The following ADGRA2 variants were observed in gnomAD, a reference collection of about 807,000 sequenced individuals.
The protein encoded by ADGRA2 is adhesion G protein-coupled receptor A2.
A neutral mutation model predicts 98.7 loss-of-function variants in ADGRA2; 61 were observed. That is an observed-to-expected ratio of 0.62 (90% CI 0.50 to 0.76). ADGRA2 has a LOEUF of 0.76. Among genes scored for constraint, ADGRA2 ranks in the 30% least tolerant of loss-of-function variants. ADGRA2 has a pLI of 0.00. For synonymous variants in ADGRA2, 858 were observed against 831.5 expected, an observed-to-expected ratio of 1.03 and a Z score of -0.55; for missense variants, 1,712 against 1,860.0, an observed-to-expected ratio of 0.92 and a Z score of 1.46.
chr8:37,804,126 C>CACACACACACACACAT (rs1563337043), intron 1 of ADGRA2, among the ~76,000 whole-genome samples: 28 of 150,126 alleles, frequency 1.9e-4, no homozygotes, highest in Admixed American at 8.0e-4. Context: ...CACACACACA[C>CACACACACACACACAT]ACACACACAC....
chr8:37,833,559 A>G, intron 9 of ADGRA2, 129 bp from the exon 10 acceptor site: 1 of 928,456 alleles, frequency 1.1e-6, no homozygotes, highest in Non-Finnish European at 1.7e-6. Context: ...TAGCTTGATG[A>G]GACCCAGAAG....
At position 37,831,483 on chromosome 8, in the gene ADGRA2, C is replaced by A. The variant is rs140801702; in HGVS notation, c.993C>A (p.Ser331=). 8.6e-5 allele frequency: 138 copies of A among 1,613,658 alleles called. No homozygotes were observed. Among genetic ancestry groups the A allele is most frequent in the Non-Finnish European group, 1.1e-4 (134 of 1,180,026 alleles). ...CAGGCGAGTGGGAGTGCACCGTGTC[C>A]ATGGCCCAAGGCAACGCCAGCAAGA... ...WASGEWECTV[S]MAQGNASKKV... is the part of the protein sequence containing the mutation. Residue 331 remains serine (S), a synonymous_variant, in exon 8 of 19, where the codon TCC becomes TCA. Transcript: ENST00000412232.
At position 37,819,543 on chromosome 8, in the gene ADGRA2, A is replaced by G. The variant is rs971234341; in HGVS notation, c.338+4576A>G. Among the ~76,000 whole-genome samples the G allele has an allele frequency of 3.9e-5, 6 of 152,006 alleles. No individual in the cohort carries two copies. The East Asian group carries it at 9.7e-4, about 25-fold the overall frequency. ...GCCACCATGCCCAGCTAATTTTTGT[A>G]TTTTTAGTAGAGACGGTGTTTCATG... On this transcript the variant is annotated intron_variant, in intron 2 of 18. Transcript: ENST00000412232.
rs1457382265 is a variant in ADGRA2 at position 37,829,309 on chromosome 8, G to A, written c.459G>A (p.Gln153=). The A allele has an allele frequency of 1.2e-6, 2 of 1,613,554 alleles. No homozygotes were observed. Among genetic ancestry groups the A allele is most frequent in the Middle Eastern group, 1.7e-4 (1 of 6,060 alleles). ...GCTGTCTCACCTCCGAGACCTTCCA[G>A]GGCCTCCCCAGGCTTCTCCGACTGT... is the stretch of plus-strand genomic sequence containing the variant. The part of the protein sequence containing the change: ...RIGCLTSETF[Q]GLPRLLRLNI... Residue 153 remains glutamine, a synonymous_variant, in exon 4 of 19, where the codon CAG becomes CAA. Coordinates refer to ENST00000412232, the MANE Select transcript of ADGRA2 (RefSeq NM_032777.10).
At chr8:37,825,395 C>T (rs997055177) in intron 2 of ADGRA2, among the ~76,000 whole-genome samples, 1 of 152,056 alleles carries the variant, frequency 6.6e-6, no homozygotes, top group African/African-American at 2.4e-5. Flanking sequence ...AGGCGCCCAC[C>T]CCCACATTGG....
Position 37,814,475 on chromosome 8 carries a change from C to A in ADGRA2, c.267-421C>A, listed in dbSNP as rs1423192793. Among the ~76,000 whole-genome samples the A allele has an allele frequency of 6.6e-6, 1 of 152,206 alleles. No individual in the cohort carries two copies. The highest frequency in any genetic ancestry group is 2.4e-5 in the African/African-American group (1 of 41,460). On this transcript the variant is annotated intron_variant, in intron 1 of 18. Coordinates refer to ENST00000412232, the MANE Select transcript of ADGRA2 (RefSeq NM_032777.10). This position sits in a 1 kb window ranked among gnomAD's most constrained non-coding sequence, Gnocchi z 4.3. ...CTCCAGACCTTCTGGGCATCCTGGC[C>A]CCGTTCAAGCCATTCTCCCCACCAC...
Position 37,797,145 on chromosome 8 carries a change from G to C in ADGRA2, c.-124G>C. 1 of 709,782 alleles carries C rather than the reference G, an allele frequency of 1.4e-6. No homozygotes were observed. The highest frequency in any genetic ancestry group is 1.9e-6 in the Non-Finnish European group (1 of 533,948). The allele number at this position is 709,782 out of a possible 1,614,324, so 44.0% of individuals were successfully genotyped here. On this transcript the variant is annotated 5_prime_UTR_variant, in exon 1 of 19. Coordinates refer to ENST00000412232, the MANE Select transcript of ADGRA2 (RefSeq NM_032777.10). The surrounding 1 kb of genome is among the most constrained non-coding windows in gnomAD (Gnocchi z 5.3). Reference sequence around the variant, plus strand: ...GACCCCGGGGCTCGCCTCCGCCCAGGGCCCCCCTCCACGCCCTCGGGAGCC... The same window carrying C: ...GACCCCGGGGCTCGCCTCCGCCCAGCGCCCCCCTCCACGCCCTCGGGAGCC...
rs776543886 is a variant in ADGRA2 at position 37,841,592 on chromosome 8, C to G, written c.3254C>G (p.Pro1085Arg). The G allele has an allele frequency of 6.3e-7, 1 of 1,584,682 alleles. No homozygotes were observed. Among genetic ancestry groups the G allele is most frequent in the South Asian group, 1.1e-5 (1 of 87,308 alleles). The change falls in exon 19 of 19, where the codon CCC becomes CGC. Residue 1085 changes from proline to arginine, a missense_variant. By Grantham distance (103) the Pro-to-Arg change is moderately radical (BLOSUM62 -2). Coordinates refer to ENST00000412232, the MANE Select transcript of ADGRA2 (RefSeq NM_032777.10). This position sits in a 1 kb window ranked among gnomAD's most constrained non-coding sequence, Gnocchi z 5.0. ...AGAGCCTCGTGGCGCGCCTGCTGCC[C>G]CCCTGCCTCTCCCGCGGCCCCCCAT... Reference protein sequence around the residue: ...DVRASWRACCPPASPAAPHAP... With the variant: ...DVRASWRACCRPASPAAPHAP...
chr8:37,799,049 C>G (rs1043205286), intron 1 of ADGRA2, among the ~76,000 whole-genome samples: 1 of 152,158 alleles, frequency 6.6e-6, no homozygotes, highest in African/African-American at 2.4e-5. Context: ...GCGGAACAGT[C>G]GGTAGCGTCT....
At position 37,797,604 on chromosome 8, in the gene ADGRA2, T is replaced by C; in HGVS notation, c.266+70T>C. 9.8e-7 allele frequency: 1 copy of C among 1,021,096 alleles called. No homozygotes were observed. The highest frequency in any genetic ancestry group is 1.3e-6 in the Non-Finnish European group (1 of 798,372). The allele number at this position is 1,021,096 out of a possible 1,614,324, so 63.3% of individuals were successfully genotyped here. A position where few individuals can be genotyped will look rare whatever the true frequency, so the allele number is the denominator to read the frequency against. On this transcript the variant is annotated intron_variant, in intron 1 of 18. Coordinates refer to ENST00000412232, the MANE Select transcript of ADGRA2 (RefSeq NM_032777.10). The surrounding 1 kb of genome is among the most constrained non-coding windows in gnomAD (Gnocchi z 5.3). ...ACGAAGGGAGGCGAGACGGGAGGGG[T>C]GGGAGCAGGGGGAAGGGGGCTATCC...
chr8:37,801,897 G>A (rs963586690), intron 1 of ADGRA2, among the ~76,000 whole-genome samples: 11 of 152,208 alleles, frequency 7.2e-5, no homozygotes, highest in African/African-American at 2.7e-4. Flanking sequence ...AGCAGGATCT[G>A]AGCCCTTTTG....
chr8:37,798,713 A>G (rs7844795), intron 1 of ADGRA2, among the ~76,000 whole-genome samples: 1 of 152,248 alleles, frequency 6.6e-6, no homozygotes, highest in African/African-American at 2.4e-5. Context: ...GATTGTGTCC[A>G]GAACAATACA....
rs1443210333 is a variant in ADGRA2 at position 37,797,202 on chromosome 8, C to T, written c.-67C>T. The stretch of plus-strand genomic sequence containing the variant: ...CCCCGCTGAGCACTCCTCCCGCACG[C>T]CTGGGTCCCTCCGGCCGGCGCGCAG... On this transcript the variant is annotated 5_prime_UTR_variant, in exon 1 of 19. Transcript: ENST00000412232. The surrounding 1 kb of genome is among the most constrained non-coding windows in gnomAD (Gnocchi z 5.3). The T allele has an allele frequency of 1.7e-6, 2 of 1,167,832 alleles. No individual in the cohort carries two copies. The highest frequency in any genetic ancestry group is 2.1e-6 in the Non-Finnish European group (2 of 940,858). 72.3% of individuals were successfully genotyped at this position (1,167,832 alleles called of 1,614,324 possible).
intron 2 of ADGRA2, 21 bp from the exon 3 acceptor site, chr8:37,828,866 GC>G: frequency 6.3e-7 from 1 of 1,586,928 alleles, no homozygotes; most frequent in Non-Finnish European, 8.6e-7. Flanking sequence ...AGGTGTGAGG[GC>G]CTCTGCACTT....
At chr8:37,828,150 C>CAAA (rs1014274389) in intron 2 of ADGRA2, among the ~76,000 whole-genome samples, 1 of 151,880 alleles carries the variant, frequency 6.6e-6, no homozygotes, top group South Asian at 2.1e-4. Context: ...AAAAACAAAA[C>CAAA]AAAACAAAAC....
At chr8:37,831,933 G>A (rs995829027) in intron 8 of ADGRA2, among the ~76,000 whole-genome samples, 5 of 152,092 alleles carry the variant, frequency 3.3e-5, no homozygotes, top group African/African-American at 1.2e-4. Flanking sequence ...GGTGGTGCGT[G>A]CCTGTAATCC....
chr8:37,838,921 A>G, intron 14 of ADGRA2, 35 bp from the exon 15 acceptor site: 2 of 1,538,044 alleles, frequency 1.3e-6, no homozygotes, highest in South Asian at 1.3e-5. Flanking sequence ...CGAGGTGTCC[A>G]CATTCCTCAC....
chr8:37,816,586 C>T (rs574028186), intron 2 of ADGRA2, among the ~76,000 whole-genome samples: 1 of 133,574 alleles, frequency 7.5e-6, no homozygotes, highest in Non-Finnish European at 1.6e-5. Context: ...AGCGAGACTC[C>T]GTCTCAAACA....
At chr8:37,811,491 T>G (rs866444837) in intron 1 of ADGRA2, among the ~76,000 whole-genome samples, 3 of 148,604 alleles carry the variant, frequency 2.0e-5, no homozygotes, top group Middle Eastern at 7.1e-3. Context: ...TTTTTTTTTT[T>G]TGGCAACAGA....
Sources: allele counts gnomAD v4.1 joint callset (sites outside exome capture counted in the v4.1 genomes callset), GRCh38; gene constraint gnomAD v4.1.1; non-coding constraint Gnocchi (gnomAD v3.1); transcripts MANE v1.5; gene names NCBI Gene and HGNC (gene_info 2026-07-23, HGNC 2026-07-21).